Variants in MARCHF11 observed in about 807,000 individuals in gnomAD.
MARCHF11 encodes E3 ubiquitin-protein ligase MARCHF11.
MARCHF11 carries 29 observed loss-of-function variants against 37.3 expected under a neutral mutation model. The observed-to-expected ratio is 0.78, with a 90% confidence interval of 0.58 to 1.06. The LOEUF (loss-of-function observed/expected upper bound fraction) is 1.06, where lower values mean the gene tolerates loss of function less well. Ranked by LOEUF, MARCHF11 falls within the 50% of genes least tolerant of loss-of-function variation. The pLI, the probability that MARCHF11 is intolerant of heterozygous loss-of-function variation, is 0.00. For missense variants in MARCHF11, 482 were observed against 533.4 expected (o/e 0.90, Z 0.95); for synonymous variants, 233 against 228.0 (o/e 1.02, Z -0.20).
In MARCHF11 at chr5:16,129,440, A is replaced by G. The variant is rs150840376; in HGVS notation, c.694-38359T>C. 2.3e-3 allele frequency: 349 copies of G among 152,338 alleles called. 3 individuals carry two copies. The highest frequency in any genetic ancestry group is 8.1e-3 in the African/African-American group (338 of 41,578). 9.4% of individuals were successfully genotyped at this position (152,338 alleles called of 1,614,324 possible). Reference sequence around the variant, plus strand: ...ATTTCTTTCTATCAAGCAGTATATTAAAATAAACCATTTTTAAAATAATCA... The same window carrying G: ...ATTTCTTTCTATCAAGCAGTATATTGAAATAAACCATTTTTAAAATAATCA... On this transcript the variant is annotated intron_variant, in intron 2 of 3. Coordinates refer to ENST00000332432, the MANE Select transcript of MARCHF11 (RefSeq NM_001102562.3).
intron 3 of MARCHF11, among the ~76,000 whole-genome samples, chr5:16,079,927 A>G (rs1381019668): frequency 6.6e-6 from 1 of 152,096 alleles, no homozygotes; most frequent in Non-Finnish European, 1.5e-5. Flanking sequence ...CTTCAGTCCC[A>G]GGGACATCAA....
chr5:16,069,818 T>C (rs139610876), intron 3 of MARCHF11, among the ~76,000 whole-genome samples: 18 of 152,316 alleles, frequency 1.2e-4, no homozygotes, highest in African/African-American at 3.4e-4. Flanking sequence ...TATTACCTTT[T>C]TCCATCAGAT....
intron 3 of MARCHF11, among the ~76,000 whole-genome samples, chr5:16,089,069 T>C (rs1231289477): frequency 6.6e-6 from 1 of 151,982 alleles, no homozygotes; most frequent in South Asian, 2.1e-4. Context: ...TAAGACATAA[T>C]AACTCAGCAC....
chr5:16,168,319 A>G (rs778833351), intron 2 of MARCHF11, among the ~76,000 whole-genome samples: 1 of 152,084 alleles, frequency 6.6e-6, no homozygotes, highest in Admixed American at 6.6e-5. Context: ...TTCCAATATC[A>G]AAGCGTCTTT....
chr5:16,167,427 A>G (rs115572109), intron 2 of MARCHF11, among the ~76,000 whole-genome samples: 1,614 of 152,222 alleles, frequency 0.011, 32 homozygotes, highest in African/African-American at 0.036. Flanking sequence ...ATGATGTTCC[A>G]GCATGAAAAC....
At chr5:16,115,637 T>A (rs1737216595) in intron 2 of MARCHF11, among the ~76,000 whole-genome samples, 1 of 152,072 alleles carries the variant, frequency 6.6e-6, no homozygotes, top group African/African-American at 2.4e-5. Context: ...TTGCTTTTTT[T>A]TTTTTTTGAG....
chr5:16,123,583 T>C (rs1050206127), intron 2 of MARCHF11, among the ~76,000 whole-genome samples: 3 of 152,206 alleles, frequency 2.0e-5, no homozygotes, highest in Admixed American at 6.5e-5. Context: ...GTCACTGAAC[T>C]CTTAAGAGTT....
In MARCHF11 at chr5:16,133,911, G is replaced by C. The variant is rs1172492284; in HGVS notation, c.694-42830C>G. Among the ~76,000 whole-genome samples, 4 of 152,100 alleles carry C rather than the reference G, an allele frequency of 2.6e-5. No homozygotes were observed. The East Asian group carries it at 5.8e-4, about 22-fold the overall frequency. On this transcript the variant is annotated intron_variant, in intron 2 of 3. Coordinates refer to ENST00000332432, the MANE Select transcript of MARCHF11 (RefSeq NM_001102562.3). ...GCCCGCGGGCCATAGCTTGTACAAG[G>C]TTGGTTTGAAACGTCCTTAAGGGAA...
intron 2 of MARCHF11, among the ~76,000 whole-genome samples, chr5:16,112,521 G>A (rs190748695): frequency 6.6e-6 from 1 of 152,316 alleles, no homozygotes; most frequent in East Asian, 1.9e-4. Flanking sequence ...CCCAATGCCT[G>A]TACCCACATT....
Position 16,151,738 on chromosome 5 carries a change from AT to A in MARCHF11, c.693+25987del, listed in dbSNP as rs552547940. 1.6e-3 allele frequency among the ~76,000 whole-genome samples: 235 copies of A among 149,642 alleles called. 3 individuals are homozygous for A. The highest frequency in any genetic ancestry group is 3.4e-3 in the Middle Eastern group (1 of 292). On this transcript the variant is annotated intron_variant, in intron 2 of 3. Coordinates refer to ENST00000332432, the MANE Select transcript of MARCHF11 (RefSeq NM_001102562.3). The stretch of plus-strand genomic sequence containing the variant: ...TGTCAATCAGAATTCTTCCTTCCCT[AT>A]TTCCAGTTATTGCTGCAAGTAAACA...
At chr5:16,076,859 C>T (rs1191701738) in intron 3 of MARCHF11, among the ~76,000 whole-genome samples, 1 of 152,204 alleles carries the variant, frequency 6.6e-6, no homozygotes, top group Admixed American at 6.5e-5. Flanking sequence ...AGCCAGTCAT[C>T]ACCGGTGTCT....
chr5:16,116,301 C>T (rs1737225139), intron 2 of MARCHF11, among the ~76,000 whole-genome samples: 1 of 152,114 alleles, frequency 6.6e-6, no homozygotes, highest in East Asian at 1.9e-4. Context: ...CACTTCAGTG[C>T]CAGGGCCCAA....
At chr5:16,116,740 C>A (rs759348937) in intron 2 of MARCHF11, among the ~76,000 whole-genome samples, 3 of 151,954 alleles carry the variant, frequency 2.0e-5, no homozygotes, top group Non-Finnish European at 4.4e-5. Flanking sequence ...CAATGATGAA[C>A]AGCTGCATAA....
At chr5:16,083,699 C>A (rs530624874) in intron 3 of MARCHF11, among the ~76,000 whole-genome samples, 2 of 152,076 alleles carry the variant, frequency 1.3e-5, no homozygotes, top group African/African-American at 4.8e-5. Flanking sequence ...TGAGAGATAC[C>A]GGAGGGCATG....
intron 2 of MARCHF11, among the ~76,000 whole-genome samples, chr5:16,110,686 T>C (rs1737122257): frequency 6.6e-6 from 1 of 152,234 alleles, no homozygotes; most frequent in Non-Finnish European, 1.5e-5. Context: ...CTTTACATTA[T>C]CATTATTGAT....
intron 2 of MARCHF11, among the ~76,000 whole-genome samples, chr5:16,109,943 AT>A (rs1418370217): frequency 2.0e-5 from 3 of 152,188 alleles, no homozygotes; most frequent in African/African-American, 7.2e-5. Context: ...ACAGGAGGTA[AT>A]TTTCATAACA....
intron 2 of MARCHF11, among the ~76,000 whole-genome samples, chr5:16,138,753 G>A (rs993969979): frequency 4.6e-5 from 7 of 152,234 alleles, no homozygotes; most frequent in African/African-American, 1.7e-4. Flanking sequence ...TCTTGCATCA[G>A]CATAACCTGG....
intron 2 of MARCHF11, among the ~76,000 whole-genome samples, chr5:16,162,283 G>C (rs1321629421): frequency 6.6e-6 from 1 of 151,722 alleles, no homozygotes; most frequent in Non-Finnish European, 1.5e-5. Flanking sequence ...GAACATGCTA[G>C]ATATAAAATA....
chr5:16,107,444 G>C (rs1469180727), intron 2 of MARCHF11, among the ~76,000 whole-genome samples: 1 of 152,008 alleles, frequency 6.6e-6, no homozygotes, highest in Admixed American at 6.6e-5. Context: ...TTTTGTGATT[G>C]GGAGTACTAG....
Sources: allele counts gnomAD v4.1 joint callset (sites outside exome capture counted in the v4.1 genomes callset), GRCh38; gene constraint gnomAD v4.1.1; transcripts MANE v1.5; gene names NCBI Gene and HGNC (gene_info 2026-07-23, HGNC 2026-07-21).